The following IQCM variants were observed in gnomAD, a reference collection of about 807,000 sequenced individuals.
The protein encoded by IQCM is IQ motif containing M, also known as IQ domain-containing protein M.
A neutral mutation model predicts 57.6 loss-of-function variants in IQCM; 45 were observed. The ratio of observed to expected loss-of-function variants is 0.78; its 90% CI spans 0.62 to 1.00. The LOEUF is 1.00. IQCM is among the 50% of genes least tolerant of loss of function. The probability of loss-of-function intolerance (pLI) is 0.00; values close to 1 mark genes in which losing one functional copy is unlikely to be tolerated. For synonymous variants in IQCM, 148 were observed against 158.9 expected, an observed-to-expected ratio of 0.93 and a Z score of 0.51; for missense variants, 468 against 511.6, an observed-to-expected ratio of 0.91 and a Z score of 0.82.
At chr4:149,523,866 G>A (rs1029050743) in intron 12 of IQCM, among the ~76,000 whole-genome samples, 1 of 152,066 alleles carries the variant, frequency 6.6e-6, no homozygotes, top group African/African-American at 2.4e-5. Flanking sequence ...AACTTTCTCT[G>A]CAAAACCAAA....
At chr4:149,398,194 G>GGGTATAATT (rs1732365528) in intron 13 of IQCM, among the ~76,000 whole-genome samples, 1 of 151,856 alleles carries the variant, frequency 6.6e-6, no homozygotes, top group African/African-American at 2.4e-5. Context: ...GACCATGTAT[G>GGGTATAATT]GGTATAATTA....
At chr4:149,414,376 G>A in intron 13 of IQCM, among the ~76,000 whole-genome samples, 1 of 152,050 alleles carries the variant, frequency 6.6e-6, no homozygotes, top group East Asian at 1.9e-4. Context: ...TTCCTTTCAC[G>A]ATGACAGTTT....
chr4:149,511,004 T>C (rs886101676), intron 12 of IQCM, among the ~76,000 whole-genome samples: 1 of 152,210 alleles, frequency 6.6e-6, no homozygotes, highest in Non-Finnish European at 1.5e-5. Context: ...TTTAAACTTT[T>C]GAGTTTCTTT....
chr4:149,529,220 C>T (rs1349480734), intron 12 of IQCM, among the ~76,000 whole-genome samples: 1 of 152,054 alleles, frequency 6.6e-6, no homozygotes. Context: ...CACACCACAA[C>T]AGCCAGCTAA....
chr4:149,659,395 G>T (rs993401737), intron 7 of IQCM, among the ~76,000 whole-genome samples: 11 of 152,146 alleles, frequency 7.2e-5, no homozygotes, highest in Non-Finnish European at 1.2e-4. Context: ...CATGAAAATG[G>T]CCATACTGCC....
intron 7 of IQCM, among the ~76,000 whole-genome samples, chr4:149,681,001 C>A (rs1762134412): frequency 6.6e-6 from 1 of 151,274 alleles, no homozygotes; most frequent in South Asian, 2.1e-4. Flanking sequence ...GATGATGACA[C>A]AACTGACCCA....
intron 5 of IQCM, among the ~76,000 whole-genome samples, chr4:149,732,459 C>A (rs1241366464): frequency 2.0e-5 from 3 of 152,128 alleles, no homozygotes; most frequent in African/African-American, 4.8e-5. Context: ...TTCACACTCA[C>A]CCTCTTACAG....
At chr4:149,400,470 G>T (rs1732541252) in intron 13 of IQCM, among the ~76,000 whole-genome samples, 1 of 151,948 alleles carries the variant, frequency 6.6e-6, no homozygotes, top group African/African-American at 2.4e-5. Flanking sequence ...TTTAAGAGCT[G>T]CCTTTCTGGG....
chr4:149,521,228 C>G (rs1385294273), intron 12 of IQCM, among the ~76,000 whole-genome samples: 1 of 151,876 alleles, frequency 6.6e-6, no homozygotes, highest in Admixed American at 6.6e-5. Context: ...TCCTTTTCAT[C>G]TTTCTTAGCC....
At chr4:149,454,646 T>C (rs1014194902) in intron 12 of IQCM, among the ~76,000 whole-genome samples, 1 of 152,036 alleles carries the variant, frequency 6.6e-6, no homozygotes, top group Non-Finnish European at 1.5e-5. Flanking sequence ...ATGTGGTTCA[T>C]CCATACACTG....
intron 12 of IQCM, among the ~76,000 whole-genome samples, chr4:149,490,131 A>G (rs1157726957): frequency 1.3e-5 from 2 of 152,010 alleles, no homozygotes; most frequent in East Asian, 1.9e-4. Flanking sequence ...TGCATAATCA[A>G]TGAAAAAAGT....
At chr4:149,785,092 A>C (rs1771956666) in intron 2 of IQCM, among the ~76,000 whole-genome samples, 1 of 152,232 alleles carries the variant, frequency 6.6e-6, no homozygotes, top group South Asian at 2.1e-4. Flanking sequence ...ATCCATGGCT[A>C]TAATAGATGC....
chr4:149,558,579 A>G (rs1749805729), intron 10 of IQCM, among the ~76,000 whole-genome samples: 2 of 152,146 alleles, frequency 1.3e-5, no homozygotes, highest in African/African-American at 4.8e-5. Flanking sequence ...CATGAAGAAC[A>G]ATAAAGTGTT....
At chr4:149,811,806 C>T (rs1377339565) in intron 2 of IQCM, among the ~76,000 whole-genome samples, 1 of 152,156 alleles carries the variant, frequency 6.6e-6, no homozygotes, top group South Asian at 2.1e-4. Flanking sequence ...TTAAACTAAG[C>T]CACACTGGAC....
rs894084064 is a variant in IQCM, at chr4:149,411,705, A to T, written c.1390+21691T>A. On this transcript the variant is annotated intron_variant, in intron 13 of 13. Transcript: ENST00000636793. ...AAAAGTACTTACATTTACTAGGAAG[A>T]ATAATAAAAATGACTGACAATTATT... 1.2e-4 allele frequency among the ~76,000 whole-genome samples: 19 copies of T among 152,316 alleles called. No individual in the cohort carries two copies. In the East Asian group the frequency reaches 3.7e-3, roughly 29 times the overall value.
intron 2 of IQCM, among the ~76,000 whole-genome samples, chr4:149,765,762 G>T (rs548615655): frequency 1.3e-5 from 2 of 152,052 alleles, no homozygotes; most frequent in East Asian, 1.9e-4. Flanking sequence ...TTCCCCATTT[G>T]CTCCTATAGA....
chr4:149,370,801 T>C (rs1219384180), intron 13 of IQCM, among the ~76,000 whole-genome samples: 2 of 152,028 alleles, frequency 1.3e-5, no homozygotes, highest in African/African-American at 4.8e-5. Flanking sequence ...CCTTTCACTC[T>C]GATAGGTTTC....
At chr4:149,700,884 G>A (rs916531883) in intron 5 of IQCM, among the ~76,000 whole-genome samples, 4 of 152,014 alleles carry the variant, frequency 2.6e-5, no homozygotes, top group African/African-American at 9.7e-5. Context: ...TTATTGTGAA[G>A]AGCAAAAGAA....
At chr4:149,545,132 T>G (rs1748259764) in intron 12 of IQCM, among the ~76,000 whole-genome samples, 1 of 151,306 alleles carries the variant, frequency 6.6e-6, no homozygotes, top group African/African-American at 2.4e-5. Context: ...AGACCAGGAG[T>G]CCAAAACTAG....
Sources: gnomAD v4.1 joint callset for allele counts (sites outside exome capture counted in the v4.1 genomes callset) on GRCh38, gnomAD v4.1.1 for gene constraint, MANE v1.5 for transcripts, NCBI Gene and HGNC (gene_info 2026-07-23, HGNC 2026-07-21) for gene names.